ZBBX: variants seen among roughly 807,000 people sequenced by gnomAD.
ZBBX encodes the protein zinc finger B-box domain containing.
In ZBBX, 101 loss-of-function variants were observed where a neutral mutation model predicts 108.5. The ratio of observed to expected loss-of-function variants is 0.93; its 90% CI spans 0.79 to 1.10. ZBBX has a LOEUF of 1.10. Among genes scored for constraint, ZBBX ranks in the 50% least tolerant of loss-of-function variants. The pLI, the probability that ZBBX is intolerant of heterozygous loss-of-function variation, is 0.00. For synonymous variants in ZBBX, 356 were observed against 323.4 expected (o/e 1.10, Z -1.08); for missense variants, 1,009 against 941.4 (o/e 1.07, Z -0.94).
intron 8 of ZBBX, among the ~76,000 whole-genome samples, chr3:167,351,815 T>A (rs1388878980): frequency 6.6e-6 from 1 of 152,144 alleles, no homozygotes; most frequent in Admixed American, 6.6e-5. Flanking sequence ...AAGCTGGGTG[T>A]TCTCATGCTC....
intron 8 of ZBBX, 64 bp downstream of exon 8, chr3:167,359,806 C>A (rs1744211250): frequency 1.3e-6 from 1 of 782,562 alleles, no homozygotes; most frequent in Admixed American, 3.3e-5. Flanking sequence ...TGTGAAAGTT[C>A]TATTCTAACT....
Position 167,240,755 on chromosome 3 carries a change from C to A in ZBBX, c.*38G>T. On this transcript the variant is annotated 3_prime_UTR_variant, in exon 22 of 22. Transcript: ENST00000675490. ...ACTTTTCTCAGTTGTTTGCTTTACT[C>A]TGGGTACAAAATGGAAACAGTAATG... 1 of 1,599,464 alleles carries A rather than the reference C, an allele frequency of 6.3e-7. No individual in the cohort carries two copies. The highest frequency in any genetic ancestry group is 1.1e-5 in the South Asian group (1 of 88,502).
chr3:167,250,015 C>G (rs1722297482), intron 20 of ZBBX, among the ~76,000 whole-genome samples: 1 of 152,220 alleles, frequency 6.6e-6, no homozygotes, highest in Non-Finnish European at 1.5e-5. Context: ...GAAAATCCCA[C>G]TGCCTTCCTG....
At chr3:167,392,289 T>G (rs1465122410) in intron 1 of ZBBX, among the ~76,000 whole-genome samples, 1 of 151,876 alleles carries the variant, frequency 6.6e-6, no homozygotes, top group Non-Finnish European at 1.5e-5. Context: ...CATAATTTAT[T>G]TATATAATTA....
the ZBBX span, among the ~76,000 whole-genome samples, chr3:167,216,807 A>C: frequency 1.0e-3 from 158 of 152,272 alleles, 1 homozygote; most frequent in Non-Finnish European, 1.5e-3. Flanking sequence ...AAGCACCCAG[A>C]AATAAGGCTG....
At chr3:167,320,679 T>C (rs1214350056) in intron 12 of ZBBX, among the ~76,000 whole-genome samples, 1 of 152,024 alleles carries the variant, frequency 6.6e-6, no homozygotes, top group Admixed American at 6.6e-5. Context: ...TAGCACCACC[T>C]TAACTATGTG....
At chr3:167,330,468 C>A (rs1055520959) in intron 10 of ZBBX, among the ~76,000 whole-genome samples, 1 of 152,040 alleles carries the variant, frequency 6.6e-6, no homozygotes. Context: ...TCACCGTGCA[C>A]AAATTCATAT....
intron 12 of ZBBX, among the ~76,000 whole-genome samples, chr3:167,320,363 G>A (rs539116629): frequency 1.3e-5 from 2 of 151,368 alleles, no homozygotes; most frequent in African/African-American, 4.8e-5. Flanking sequence ...AATAATATTA[G>A]ATATCAATCC....
chr3:167,343,165 T>C (rs1443413397), intron 9 of ZBBX, among the ~76,000 whole-genome samples: 1 of 151,922 alleles, frequency 6.6e-6, no homozygotes, highest in African/African-American at 2.4e-5. Context: ...ATTTTTATAA[T>C]TGTTGGCATT....
intron 8 of ZBBX, among the ~76,000 whole-genome samples, chr3:167,357,575 C>T (rs923954766): frequency 6.6e-6 from 1 of 152,114 alleles, no homozygotes; most frequent in African/African-American, 2.4e-5. Context: ...AGCAGCATTA[C>T]TCACAATAGC....
intron 2 of ZBBX, among the ~76,000 whole-genome samples, chr3:167,375,274 C>T (rs775275176): frequency 9.9e-5 from 15 of 152,030 alleles, no homozygotes; most frequent in South Asian, 2.1e-4. Context: ...ATTTTTGGGA[C>T]GCCTCTTTTG....
chr3:167,366,015 A>G (rs1346328222), intron 5 of ZBBX, 39 bp from the exon 6 acceptor site: 1 of 1,442,246 alleles, frequency 6.9e-7, no homozygotes, highest in East Asian at 2.3e-5. Context: ...TAATCACTAA[A>G]CACATTTCTC....
chr3:167,307,314 T>C (rs893854834), intron 16 of ZBBX, among the ~76,000 whole-genome samples: 4 of 152,050 alleles, frequency 2.6e-5, no homozygotes, highest in Admixed American at 2.0e-4. Flanking sequence ...ATCCAAATAG[T>C]AGGAGAGGAA....
intron 16 of ZBBX, among the ~76,000 whole-genome samples, chr3:167,306,877 T>G (rs1039063866): frequency 6.6e-5 from 10 of 152,278 alleles, no homozygotes; most frequent in African/African-American, 1.9e-4. Context: ...TGTAAAATAG[T>G]AGAAACTCTG....
At chr3:167,295,383 C>T (rs138642106) in intron 18 of ZBBX, among the ~76,000 whole-genome samples, 2,124 of 151,982 alleles carry the variant, frequency 0.014, 26 homozygotes, top group South Asian at 0.026. Context: ...AGTTCATGTC[C>T]TTTGCAGAGA....
chr3:167,393,512 T>C (rs371158156), intron 1 of ZBBX, among the ~76,000 whole-genome samples: 21 of 151,904 alleles, frequency 1.4e-4, no homozygotes, highest in African/African-American at 4.3e-4. Context: ...GTTAAGTTGC[T>C]AGTATTTATA....
At chr3:167,202,547 C>T in the ZBBX span, among the ~76,000 whole-genome samples, 1 of 152,054 alleles carries the variant, frequency 6.6e-6, no homozygotes, top group Non-Finnish European at 1.5e-5. Context: ...TGCTAGTAAT[C>T]TCCTTTATTG....
chr3:167,345,033 T>G (rs1313113080), intron 9 of ZBBX, among the ~76,000 whole-genome samples: 1 of 151,868 alleles, frequency 6.6e-6, no homozygotes, highest in Non-Finnish European at 1.5e-5. Flanking sequence ...CATAAATCCT[T>G]TTAATTATCC....
At chr3:167,365,463 T>C (rs1350366188) in intron 6 of ZBBX, among the ~76,000 whole-genome samples, 2 of 151,750 alleles carry the variant, frequency 1.3e-5, no homozygotes, top group African/African-American at 4.8e-5. Context: ...ATCAACAGTA[T>C]ATGAATAATA....
Sources: gnomAD v4.1 joint callset for allele counts (sites outside exome capture counted in the v4.1 genomes callset) on GRCh38, gnomAD v4.1.1 for gene constraint, MANE v1.5 for transcripts, NCBI Gene and HGNC (gene_info 2026-07-23, HGNC 2026-07-21) for gene names.